COL10A1: variants seen among roughly 807,000 people sequenced by gnomAD.
COL10A1 encodes the protein collagen type X alpha 1 chain, also known as collagen alpha-1(X) chain.
A neutral mutation model predicts 18.2 loss-of-function variants in COL10A1; 10 were observed. The observed-to-expected ratio is 0.55, with a 90% CI of 0.34 to 0.93. The LOEUF (loss-of-function observed/expected upper bound fraction) is 0.93. Ranked by LOEUF, COL10A1 falls within the 40% of genes least tolerant of loss-of-function variation. COL10A1 has a pLI of 0.02. For synonymous variants in COL10A1, 330 were observed against 316.6 expected (o/e 1.04, Z -0.45); for missense variants, 897 against 853.5 (o/e 1.05, Z -0.64).
chr6:116,177,667 T>G, the COL10A1 span, among the ~76,000 whole-genome samples: 2 of 152,208 alleles, frequency 1.3e-5, no homozygotes, highest in Admixed American at 1.3e-4. Flanking sequence ...AATTCGTGGA[T>G]ATAAGAGATA....
chr6:116,167,063 A>T, the COL10A1 span, among the ~76,000 whole-genome samples: 1 of 152,324 alleles, frequency 6.6e-6, no homozygotes, highest in African/African-American at 2.4e-5. Flanking sequence ...ATTAAATCAC[A>T]CTTAAAACTA....
At chr6:116,176,566 A>C in the COL10A1 span, among the ~76,000 whole-genome samples, 34 of 152,308 alleles carry the variant, frequency 2.2e-4, no homozygotes, top group African/African-American at 8.2e-4. Flanking sequence ...AAATAATGAA[A>C]GATATCAAAC....
chr6:116,138,912 T>C (rs969533530), intron 1 of COL10A1, among the ~76,000 whole-genome samples: 13 of 152,196 alleles, frequency 8.5e-5, no homozygotes, highest in African/African-American at 3.1e-4. Context: ...TCTTGATTTC[T>C]CACATTGGTA....
At chr6:116,165,428 T>G in the COL10A1 span, among the ~76,000 whole-genome samples, 1 of 152,260 alleles carries the variant, frequency 6.6e-6, no homozygotes. Context: ...CCAATATGTT[T>G]TCCAAATTGC....
intron 1 of COL10A1, among the ~76,000 whole-genome samples, chr6:116,148,310 T>C (rs1779948973): frequency 6.6e-6 from 1 of 152,172 alleles, no homozygotes; most frequent in Non-Finnish European, 1.5e-5. Flanking sequence ...AAACACATCA[T>C]ATTTTTAAAA....
intron 1 of COL10A1, 51 bp from the exon 2 acceptor site, chr6:116,125,558 TTTTA>T (rs947248245): frequency 2.0e-5 from 31 of 1,551,330 alleles, no homozygotes; most frequent in Middle Eastern, 3.4e-4. Context: ...TAACCTATTT[TTTTA>T]TTCTCATGTT....
At chr6:116,182,631 C>A in the COL10A1 span, among the ~76,000 whole-genome samples, 1 of 151,868 alleles carries the variant, frequency 6.6e-6, no homozygotes, top group Non-Finnish European at 1.5e-5. Context: ...TTTCCCTGAT[C>A]GCTAGTGATG....
At chr6:116,127,757 A>T (rs1338341474), upstream of COL10A1, among the ~76,000 whole-genome samples, 3 of 152,170 alleles carry the variant, frequency 2.0e-5, no homozygotes, top group African/African-American at 7.2e-5. Context: ...ATGCACACAC[A>T]TACTGCTATT....
chr6:116,182,175 A>G, the COL10A1 span, among the ~76,000 whole-genome samples: 1 of 151,466 alleles, frequency 6.6e-6, no homozygotes, highest in South Asian at 2.1e-4. Context: ...GTTGCTACAA[A>G]TGCCATTATT....
chr6:116,130,893 C>T (rs1324067215), upstream of COL10A1, among the ~76,000 whole-genome samples: 1 of 151,742 alleles, frequency 6.6e-6, no homozygotes, highest in Non-Finnish European at 1.5e-5. Flanking sequence ...AAAATATAAG[C>T]CGTTTGATTA....
At chr6:116,155,146 C>T (rs1780154656) in intron 1 of COL10A1, among the ~76,000 whole-genome samples, 1 of 152,028 alleles carries the variant, frequency 6.6e-6, no homozygotes, top group Non-Finnish European at 1.5e-5. Flanking sequence ...ATGATATGGC[C>T]TTGAAGTATT....
At chr6:116,163,141 A>ATATATATATAT (rs1554197064), upstream of COL10A1, among the ~76,000 whole-genome samples, 7 of 88,408 alleles carry the variant, frequency 7.9e-5, no homozygotes, top group African/African-American at 4.0e-4. Context: ...AAAAAAAAAA[A>ATATATATATAT]ATATATATAT....
At chr6:116,184,271 T>A in the COL10A1 span, among the ~76,000 whole-genome samples, 1 of 152,100 alleles carries the variant, frequency 6.6e-6, no homozygotes, top group African/African-American at 2.4e-5. Context: ...TGATTGATAA[T>A]CTTTTTGACA....
chr6:116,165,943 C>T, the COL10A1 span, among the ~76,000 whole-genome samples: 3 of 152,204 alleles, frequency 2.0e-5, no homozygotes, highest in South Asian at 4.1e-4. Flanking sequence ...GTCCTCTCAG[C>T]TCAGGCTTGA....
the COL10A1 span, among the ~76,000 whole-genome samples, chr6:116,212,843 T>C: frequency 6.6e-6 from 1 of 152,164 alleles, no homozygotes; most frequent in Non-Finnish European, 1.5e-5. Flanking sequence ...TTGCTTTAAA[T>C]ACTTGTTAAT....
At chr6:116,191,903 C>G in the COL10A1 span, among the ~76,000 whole-genome samples, 3 of 151,984 alleles carry the variant, frequency 2.0e-5, no homozygotes, top group African/African-American at 7.2e-5. Flanking sequence ...AGTGATAAAT[C>G]AAATCAGTTT....
the COL10A1 span, among the ~76,000 whole-genome samples, chr6:116,193,475 C>T: frequency 6.6e-6 from 1 of 152,020 alleles, no homozygotes; most frequent in Non-Finnish European, 1.5e-5. Flanking sequence ...TTGGCTAAAT[C>T]TCTGTTTCTC....
At chr6:116,178,946 G>T in the COL10A1 span, among the ~76,000 whole-genome samples, 2 of 152,096 alleles carry the variant, frequency 1.3e-5, no homozygotes. Flanking sequence ...GAGTCTGAAG[G>T]CACAAAGACA....
At chr6:116,210,670 C>G in the COL10A1 span, among the ~76,000 whole-genome samples, 13 of 151,936 alleles carry the variant, frequency 8.6e-5, no homozygotes, top group South Asian at 2.7e-3. Context: ...CAGATTATGT[C>G]AGTTATTATG....
Sources: allele counts gnomAD v4.1 joint callset (sites outside exome capture counted in the v4.1 genomes callset), GRCh38; gene constraint gnomAD v4.1.1; transcripts MANE v1.5; gene names NCBI Gene and HGNC (gene_info 2026-07-23, HGNC 2026-07-21).